The following PRKCH variants were observed in gnomAD, a reference collection of about 807,000 sequenced individuals.
PRKCH encodes protein kinase C eta.
Under a neutral mutation model 82.5 loss-of-function variants are expected in PRKCH, and 28 were observed. That is an observed-to-expected ratio of 0.34 (90% confidence interval 0.25 to 0.47). The LOEUF (loss-of-function observed/expected upper bound fraction) is 0.47, where lower values mean the gene tolerates loss of function less well. Ranked by LOEUF, PRKCH falls within the 20% of genes least tolerant of loss-of-function variation. The pLI, the probability that PRKCH is intolerant of heterozygous loss-of-function variation, is 1.00. For synonymous variants in PRKCH, 322 were observed against 327.4 expected (o/e 0.98, Z 0.18); for missense variants, 705 against 881.8 (o/e 0.80, Z 2.54).
chr14:61,466,974 T>C (rs979446129), intron 9 of PRKCH, among the ~76,000 whole-genome samples: 4 of 152,208 alleles, frequency 2.6e-5, no homozygotes, highest in African/African-American at 9.6e-5. Context: ...GCTGCATACA[T>C]GCTGGCACAA....
intron 1 of PRKCH, among the ~76,000 whole-genome samples, chr14:61,285,951 A>G (rs1162564460): frequency 6.6e-6 from 1 of 152,252 alleles, no homozygotes. Context: ...ACAGAGTCCC[A>G]GGAACAGCTG....
chr14:61,471,449 A>G (rs977213944), intron 9 of PRKCH, among the ~76,000 whole-genome samples: 3 of 152,166 alleles, frequency 2.0e-5, no homozygotes, highest in Non-Finnish European at 4.4e-5. Context: ...TCTCTGGCCA[A>G]TCGCAATTAA....
intron 1 of PRKCH, among the ~76,000 whole-genome samples, chr14:61,203,897 C>T (rs2044502900): frequency 6.6e-6 from 1 of 152,030 alleles, no homozygotes; most frequent in African/African-American, 2.4e-5. Context: ...ACATGTGGTG[C>T]ACACACAAAT....
chr14:61,539,850 G>A (rs984484378), intron 12 of PRKCH, among the ~76,000 whole-genome samples: 8 of 152,196 alleles, frequency 5.3e-5, no homozygotes, highest in African/African-American at 1.9e-4. Context: ...TCTGCTTCAC[G>A]TGTTTTCAAT....
intron 9 of PRKCH, among the ~76,000 whole-genome samples, chr14:61,464,533 C>A (rs1292422214): frequency 6.6e-6 from 1 of 152,140 alleles, no homozygotes; most frequent in Non-Finnish European, 1.5e-5. Context: ...AGGTATTTGT[C>A]CTAATGCTCT....
chr14:61,356,514 G>A (rs1463991072), intron 1 of PRKCH, among the ~76,000 whole-genome samples: 2 of 152,246 alleles, frequency 1.3e-5, no homozygotes, highest in African/African-American at 4.8e-5. Context: ...CTTTGACAAT[G>A]GCATATTTTG....
At chr14:61,516,689 CAT>C (rs1188313040) in intron 10 of PRKCH, among the ~76,000 whole-genome samples, 1 of 152,144 alleles carries the variant, frequency 6.6e-6, no homozygotes, top group Non-Finnish European at 1.5e-5. Context: ...GTCTTTTGCA[CAT>C]GTTACTATGA....
chr14:61,489,872 C>A (rs1886384397), intron 10 of PRKCH, among the ~76,000 whole-genome samples: 1 of 152,230 alleles, frequency 6.6e-6, no homozygotes, highest in East Asian at 1.9e-4. Flanking sequence ...AAGGGAAACT[C>A]AGCTGTCATT....
At chr14:61,257,747 T>C (rs987819167) in intron 1 of PRKCH, among the ~76,000 whole-genome samples, 6 of 152,022 alleles carry the variant, frequency 3.9e-5, no homozygotes, top group African/African-American at 1.4e-4. Context: ...CTCTTTGCCT[T>C]GACTTAGGAA....
intron 10 of PRKCH, among the ~76,000 whole-genome samples, chr14:61,512,863 G>A (rs1303957433): frequency 6.6e-6 from 1 of 151,966 alleles, no homozygotes; most frequent in Admixed American, 6.6e-5. Context: ...ATCCTGTTCT[G>A]TCCCCCAGGC....
intron 2 of PRKCH, among the ~76,000 whole-genome samples, chr14:61,440,813 G>A (rs112188861): frequency 0.015 from 2,320 of 152,178 alleles, 59 homozygotes; most frequent in African/African-American, 0.054. Context: ...GGTGGAGGTT[G>A]CAATGAGCTG....
chr14:61,479,739 A>G (rs1002322725), intron 9 of PRKCH, among the ~76,000 whole-genome samples: 2 of 152,192 alleles, frequency 1.3e-5, no homozygotes, highest in Non-Finnish European at 1.5e-5. Flanking sequence ...TGGGGAAGGA[A>G]TAGTTCTGAA....
chr14:61,392,105 G>C (rs1425460201), intron 2 of PRKCH, among the ~76,000 whole-genome samples: 1 of 151,422 alleles, frequency 6.6e-6, no homozygotes, highest in Non-Finnish European at 1.5e-5. Context: ...TTTTATTTCT[G>C]AGTAGTAGTA....
chr14:61,469,179 C>G (rs964871019), intron 9 of PRKCH, among the ~76,000 whole-genome samples: 1 of 152,206 alleles, frequency 6.6e-6, no homozygotes, highest in Non-Finnish European at 1.5e-5. Flanking sequence ...TCAAGCAATC[C>G]TACTGCCTTG....
At chr14:61,395,532 C>A (rs1178113607) in intron 2 of PRKCH, among the ~76,000 whole-genome samples, 4 of 152,124 alleles carry the variant, frequency 2.6e-5, no homozygotes, top group African/African-American at 4.8e-5. Flanking sequence ...AGGGCATTGT[C>A]CTAGGATCCT....
intron 1 of PRKCH, among the ~76,000 whole-genome samples, chr14:61,356,207 G>T (rs922001895): frequency 6.6e-6 from 1 of 152,178 alleles, no homozygotes; most frequent in African/African-American, 2.4e-5. Context: ...CAGGCTGCCT[G>T]GTCGAGTGCA....
chr14:61,195,808 C>G (rs2044437186), intron 1 of PRKCH, among the ~76,000 whole-genome samples: 1 of 152,002 alleles, frequency 6.6e-6, no homozygotes, highest in Non-Finnish European at 1.5e-5. Flanking sequence ...AGAGAGAGAG[C>G]AAACTTCTGG....
At chr14:61,372,924 G>T (rs1466628697) in intron 1 of PRKCH, among the ~76,000 whole-genome samples, 2 of 151,986 alleles carry the variant, frequency 1.3e-5, no homozygotes, top group Non-Finnish European at 2.9e-5. Flanking sequence ...TCTCTGATAG[G>T]CCTCAACTCA....
intron 2 of PRKCH, among the ~76,000 whole-genome samples, chr14:61,414,740 A>C (rs762921507): frequency 2.6e-5 from 4 of 151,902 alleles, no homozygotes; most frequent in Non-Finnish European, 5.9e-5. Flanking sequence ...CAGCCTCCCA[A>C]AGTGCTGGGA....
Sources: gnomAD v4.1 joint callset for allele counts (sites outside exome capture counted in the v4.1 genomes callset) on GRCh38, gnomAD v4.1.1 for gene constraint, MANE v1.5 for transcripts, NCBI Gene and HGNC (gene_info 2026-07-23, HGNC 2026-07-21) for gene names.